Variants in ATRNL1 observed in about 807,000 individuals in gnomAD.
ATRNL1 encodes the protein attractin-like protein 1.
Under a neutral mutation model 182.7 loss-of-function variants are expected in ATRNL1, and 95 were observed. That is an observed-to-expected ratio of 0.52 (90% CI 0.44 to 0.62). ATRNL1 has a LOEUF of 0.62. Among genes scored for constraint, ATRNL1 ranks in the 20% least tolerant of loss-of-function variants. The pLI, the probability that ATRNL1 is intolerant of heterozygous loss-of-function variation, is 0.00. For synonymous variants in ATRNL1, 576 were observed against 568.3 expected, an observed-to-expected ratio of 1.01 and a Z score of -0.19; for missense variants, 1,471 against 1,679.5, an observed-to-expected ratio of 0.88 and a Z score of 2.17.
chr10:115,806,580 C>A (rs1367149066), intron 27 of ATRNL1, among the ~76,000 whole-genome samples: 2 of 152,004 alleles, frequency 1.3e-5, no homozygotes, highest in African/African-American at 4.8e-5. Context: ...ATTCTTAAGG[C>A]AAATTTGACA....
chr10:115,637,232 A>C (rs1241375444), intron 26 of ATRNL1, among the ~76,000 whole-genome samples: 1 of 152,170 alleles, frequency 6.6e-6, no homozygotes, highest in Admixed American at 6.5e-5. Context: ...GCCCCACACA[A>C]GTCCTTTAGG....
At chr10:115,765,565 A>G (rs782063055) in intron 27 of ATRNL1, among the ~76,000 whole-genome samples, 11 of 152,198 alleles carry the variant, frequency 7.2e-5, no homozygotes, top group Non-Finnish European at 1.6e-4. Flanking sequence ...TCTTTTGCAC[A>G]TATTTTCTCC....
intron 5 of ATRNL1, among the ~76,000 whole-genome samples, chr10:115,143,411 AT>A (rs67548142): frequency 0.095 from 13,807 of 144,976 alleles, 1,259 homozygotes; most frequent in African/African-American, 0.25. Context: ...CTTTCTTGGG[AT>A]TTTTTTTTTT....
intron 16 of ATRNL1, among the ~76,000 whole-genome samples, 171 bp downstream of exon 16, chr10:115,300,418 CATA>C (rs1853414577): frequency 2.0e-5 from 3 of 152,140 alleles, no homozygotes; most frequent in African/African-American, 4.8e-5. Flanking sequence ...GTGAAAATAA[CATA>C]ATATTATTAT....
At chr10:115,836,610 A>T (rs1395626508) in intron 27 of ATRNL1, among the ~76,000 whole-genome samples, 3 of 152,144 alleles carry the variant, frequency 2.0e-5, no homozygotes, top group Non-Finnish European at 4.4e-5. Flanking sequence ...CTGTCTTCAC[A>T]TGGTGAACTC....
intron 5 of ATRNL1, among the ~76,000 whole-genome samples, chr10:115,133,127 T>A (rs1171833229): frequency 6.6e-6 from 1 of 152,178 alleles, no homozygotes; most frequent in Non-Finnish European, 1.5e-5. Flanking sequence ...AAGGAAGAGA[T>A]CTAGTTTCAG....
chr10:115,572,927 G>C (rs565133669), intron 26 of ATRNL1, among the ~76,000 whole-genome samples: 185 of 152,232 alleles, frequency 1.2e-3, no homozygotes, highest in African/African-American at 4.3e-3. Flanking sequence ...AGATGCAGAG[G>C]CCAGGTGAGC....
chr10:115,300,382 A>G, intron 16 of ATRNL1, 135 bp downstream of exon 16: 1 of 627,424 alleles, frequency 1.6e-6, no homozygotes, highest in Non-Finnish European at 2.6e-6. Flanking sequence ...TTCCCCACTT[A>G]CTATTAGTGA....
intron 8 of ATRNL1, among the ~76,000 whole-genome samples, chr10:115,208,435 T>G (rs968405042): frequency 6.6e-6 from 1 of 152,126 alleles, no homozygotes; most frequent in Non-Finnish European, 1.5e-5. Context: ...TAGATTTTGT[T>G]GTATTCCTTT....
chr10:115,605,271 G>C (rs782590507), intron 26 of ATRNL1, among the ~76,000 whole-genome samples: 6 of 151,938 alleles, frequency 3.9e-5, no homozygotes, highest in Admixed American at 6.6e-5. Flanking sequence ...TGATCCCTGG[G>C]AATTGAGCAG....
At chr10:115,536,324 C>T (rs1851994367) in intron 25 of ATRNL1, among the ~76,000 whole-genome samples, 1 of 152,164 alleles carries the variant, frequency 6.6e-6, no homozygotes, top group Non-Finnish European at 1.5e-5. Context: ...GGCGGGCGCC[C>T]CTCCCCCAGC....
intron 21 of ATRNL1, among the ~76,000 whole-genome samples, chr10:115,429,824 T>A (rs545839338): frequency 6.6e-6 from 1 of 152,128 alleles, no homozygotes; most frequent in Non-Finnish European, 1.5e-5. Flanking sequence ...TCCCAGCACT[T>A]TGGGAGGCCA....
intron 27 of ATRNL1, among the ~76,000 whole-genome samples, chr10:115,797,192 T>C (rs1279328960): frequency 6.6e-6 from 1 of 152,152 alleles, no homozygotes; most frequent in Admixed American, 6.5e-5. Context: ...CAAAATGTAG[T>C]TATTAGACAA....
At chr10:115,821,848 C>A (rs1274344477) in intron 27 of ATRNL1, among the ~76,000 whole-genome samples, 1 of 152,128 alleles carries the variant, frequency 6.6e-6, no homozygotes, top group Non-Finnish European at 1.5e-5. Context: ...CACTTTAACA[C>A]CCCACTGTCA....
At chr10:115,780,475 G>A (rs570015577) in intron 27 of ATRNL1, among the ~76,000 whole-genome samples, 5 of 152,146 alleles carry the variant, frequency 3.3e-5, no homozygotes, top group Admixed American at 1.3e-4. Flanking sequence ...GACACTAGTC[G>A]GGGCTGCTAA....
rs148353662 is a variant in ATRNL1 at position 115,925,756 on chromosome 10, T to G, written c.4019-18902T>G. ...CGCACCCAATACAGGAGCAGCCAGA[T>G]TCATAAAACAAGCTCTCAGAAACCT... On this transcript the variant is annotated intron_variant, in intron 28 of 28. Coordinates refer to ENST00000355044, the MANE Select transcript of ATRNL1 (RefSeq NM_207303.4). Among the ~76,000 whole-genome samples the G allele has an allele frequency of 7.3e-4, 111 of 152,236 alleles. 1 individual carries two copies. Among genetic ancestry groups the G allele is most frequent in the African/African-American group, 2.4e-3 (99 of 41,546 alleles).
At chr10:115,611,054 CT>C (rs3086300) in intron 26 of ATRNL1, among the ~76,000 whole-genome samples, 4 of 147,030 alleles carry the variant, frequency 2.7e-5, no homozygotes, top group African/African-American at 5.0e-5. Context: ...TTTCAAAGGA[CT>C]TTTTTTTTTA....
At chr10:115,662,551 C>G (rs139842512) in intron 26 of ATRNL1, among the ~76,000 whole-genome samples, 36 of 152,212 alleles carry the variant, frequency 2.4e-4, no homozygotes, top group Admixed American at 2.0e-3. Context: ...ATTTGTCACA[C>G]TTTCTTTCTG....
chr10:115,315,978 T>A (rs1209865418), intron 18 of ATRNL1, among the ~76,000 whole-genome samples: 2 of 152,206 alleles, frequency 1.3e-5, no homozygotes, highest in Non-Finnish European at 2.9e-5. Flanking sequence ...TAGCTTTCAT[T>A]TCTTTTTTAA....
Sources: allele counts gnomAD v4.1 joint callset (sites outside exome capture counted in the v4.1 genomes callset), GRCh38; gene constraint gnomAD v4.1.1; transcripts MANE v1.5; gene names NCBI Gene and HGNC (gene_info 2026-07-23, HGNC 2026-07-21).